Variants in RCC1L observed in about 807,000 individuals in gnomAD.
RCC1L encodes RCC1-like G exchanging factor-like protein.
RCC1L carries 46 observed loss-of-function variants against 58.6 expected under a neutral mutation model. That is an observed-to-expected ratio of 0.79 (90% CI 0.62 to 1.00). RCC1L has a LOEUF of 1.00. Among genes scored for constraint, RCC1L ranks in the 50% least tolerant of loss-of-function variants. The pLI is 0.00. For missense variants in RCC1L, 636 were observed against 623.6 expected, an observed-to-expected ratio of 1.02 and a Z score of -0.21; for synonymous variants, 281 against 262.9, an observed-to-expected ratio of 1.07 and a Z score of -0.67.
intron 2 of RCC1L, 112 bp downstream of exon 2, chr7:75,070,528 G>A (rs1168627598): frequency 2.2e-5 from 31 of 1,410,478 alleles, no homozygotes; most frequent in Admixed American, 1.2e-4. Context: ...CCAGGATCTC[G>A]CCACTGCACT....
intron 10 of RCC1L, among the ~76,000 whole-genome samples, chr7:75,048,836 G>A (rs1264053431): frequency 1.3e-5 from 2 of 152,230 alleles, no homozygotes; most frequent in Non-Finnish European, 2.9e-5. Context: ...CCAGGGAGGT[G>A]GGTGGCCGTG....
intron 4 of RCC1L, among the ~76,000 whole-genome samples, chr7:75,064,030 G>A (rs1244114325): frequency 6.6e-6 from 1 of 152,102 alleles, no homozygotes; most frequent in African/African-American, 2.4e-5. Context: ...AACTTAATTT[G>A]TAAAAATTCA....
chr7:75,042,374 C>T lies in RCC1L; in HGVS notation c.*658G>A, dbSNP rs1465488859. 7.1e-6 allele frequency: 7 copies of T among 985,670 alleles called. No individual in the cohort carries two copies. The highest frequency in any genetic ancestry group is 6.1e-5 in the Admixed American group (1 of 16,314). 61.1% of individuals were successfully genotyped at this position (985,670 alleles called of 1,614,324 possible). ...CCCTCGGCGCAGAGGAACTTGGCCT[C>T]GATTCTCTTCCTGAGGGGCTTCTTA... On this transcript the variant is annotated 3_prime_UTR_variant, in exon 11 of 11. Transcript: ENST00000610322.
intron 2 of RCC1L, 34 bp downstream of exon 2, chr7:75,070,606 C>T: frequency 6.2e-7 from 1 of 1,609,144 alleles, no homozygotes; most frequent in Non-Finnish European, 8.5e-7. Flanking sequence ...TCAGACCAAT[C>T]CCGGCAAAGA....
At chr7:75,048,414 G>A (rs1197296106) in intron 10 of RCC1L, among the ~76,000 whole-genome samples, 10 of 152,216 alleles carry the variant, frequency 6.6e-5, no homozygotes, top group Admixed American at 5.2e-4. Flanking sequence ...GGGAGGGGAA[G>A]CACCGTCTAC....
At chr7:75,033,692 C>CA (rs879241870) in intron 10 of RCC1L, among the ~76,000 whole-genome samples, 3,060 of 134,318 alleles carry the variant, frequency 0.023, 92 homozygotes, top group African/African-American at 0.066. Flanking sequence ...GAGTCTCTAT[C>CA]AAAAAAAAAA....
exon 11 of RCC1L, chr7:75,027,924 C>G (rs899948141): frequency 8.0e-6 from 10 of 1,246,158 alleles, no homozygotes; most frequent in Non-Finnish European, 1.1e-5. Context: ...GTGGGAGGGT[C>G]TCTCCAGGCC....
intron 3 of RCC1L, among the ~76,000 whole-genome samples, chr7:75,065,433 T>C (rs1806436258): frequency 6.6e-6 from 1 of 152,072 alleles, no homozygotes. Context: ...TGGGTGCCTG[T>C]AGTCCCAGCT....
rs782280590 is a variant in RCC1L, at chr7:75,070,743, T to A, written c.351A>T (p.Gly117=). The A allele has an allele frequency of 7.7e-5, 125 of 1,614,094 alleles. No individual in the cohort carries two copies. The highest frequency in any genetic ancestry group is 1.1e-4 in the Non-Finnish European group (124 of 1,179,994). ...CAGTCTTAGAGGACAGCAGTGTGAA[T>A]CCATAGCCGCAAGCAGCAGATGAAA... is the stretch of plus-strand genomic sequence containing the variant. The part of the protein sequence containing the change: ...QKISSAACGY[G]FTLLSSKTAD... Residue 117 remains glycine, a synonymous_variant, in exon 2 of 11, where the codon GGA becomes GGT. Coordinates refer to ENST00000610322, the MANE Select transcript of RCC1L (RefSeq NM_030798.5).
At chr7:75,071,415 C>A (rs1806722956) in intron 1 of RCC1L, among the ~76,000 whole-genome samples, 1 of 152,100 alleles carries the variant, frequency 6.6e-6, no homozygotes, top group South Asian at 2.1e-4. Context: ...GAGGCTGAGG[C>A]AGGCAGATCA....
At chr7:75,053,768 G>A (rs1457767843) in intron 9 of RCC1L, among the ~76,000 whole-genome samples, 3 of 152,136 alleles carry the variant, frequency 2.0e-5, no homozygotes, top group Non-Finnish European at 4.4e-5. Context: ...GGGAGGCAGA[G>A]GAAGTGACAT....
Position 75,061,191 on chromosome 7 carries a change from A to G in RCC1L, c.787+16T>C. The G allele has an allele frequency of 2.5e-6, 4 of 1,609,442 alleles. No individual in the cohort carries two copies. The highest frequency in any genetic ancestry group is 3.4e-6 in the Non-Finnish European group (4 of 1,175,812). ...CTGAGAAGTTTCACGACCCCAGTGCATGAAAAGAACTCTACCTGTTTGCCC... is the reference window on the plus strand; with the variant it reads ...CTGAGAAGTTTCACGACCCCAGTGCGTGAAAAGAACTCTACCTGTTTGCCC... On this transcript the variant is annotated intron_variant, in intron 6 of 10. Transcript: ENST00000610322.
intron 6 of RCC1L, among the ~76,000 whole-genome samples, chr7:75,059,680 A>G (rs1264785887): frequency 3.3e-5 from 5 of 151,834 alleles, no homozygotes; most frequent in African/African-American, 1.2e-4. Context: ...CAAAGTGCTT[A>G]GATTACAGGT....
At chr7:75,055,574 C>T in intron 9 of RCC1L, 2 of 385,534 alleles carry the variant, frequency 5.2e-6, no homozygotes, top group East Asian at 1.2e-4. Flanking sequence ...ATGGATCCGC[C>T]AAGCCTCTGC....
chr7:75,064,390 C>A (rs990253001), intron 4 of RCC1L, among the ~76,000 whole-genome samples, 192 bp downstream of exon 4: 1 of 152,120 alleles, frequency 6.6e-6, no homozygotes, highest in South Asian at 2.1e-4. Context: ...CTCATGCCCC[C>A]TCTTCTCCCA....
intron 9 of RCC1L, 152 bp from the exon 10 acceptor site, chr7:75,052,948 C>A: frequency 1.3e-6 from 1 of 771,004 alleles, no homozygotes; most frequent in Non-Finnish European, 2.2e-6. Flanking sequence ...TCTTTGAAGG[C>A]AAAAGTAAGG....
Position 75,073,479 on chromosome 7 carries a change from G to T in RCC1L, c.259C>A (p.Arg87Ser). The T allele has an allele frequency of 7.2e-7, 1 of 1,382,866 alleles. No homozygotes were observed. Among genetic ancestry groups the T allele is most frequent in the Non-Finnish European group, 9.3e-7 (1 of 1,073,504 alleles). The allele number at this position is 1,382,866 out of a possible 1,614,324, so 85.7% of individuals were successfully genotyped here. ...CTGCGGCGCGGTCGGGCGCCGGCGC[G>T]GGGCCCGGGCCCGGAGCTGGGCACC... Reference protein sequence around the residue: ...FVVPSSGPGPRAGARPRRRIQ... With the variant: ...FVVPSSGPGPSAGARPRRRIQ... Residue 87 changes from arginine (R) to serine (S), a missense_variant, in exon 1 of 11, where the codon CGC becomes AGC. Arg to Ser is a moderately radical substitution (Grantham distance 110). Transcript: ENST00000610322.
rs1456120829 is a variant in RCC1L at position 75,071,754 on chromosome 7, T to C, written c.325-985A>G. The stretch of plus-strand genomic sequence containing the variant: ...GGCCCCATCCTTACCAACTGTGTGA[T>C]CTGAGATAGATTACTTTACCTCTAT... On this transcript the variant is annotated intron_variant, in intron 1 of 10. Coordinates refer to ENST00000610322, the MANE Select transcript of RCC1L (RefSeq NM_030798.5). 4.6e-5 allele frequency among the ~76,000 whole-genome samples: 7 copies of C among 152,302 alleles called. No individual in the cohort carries two copies. The South Asian group carries it at 1.5e-3, about 32-fold the overall frequency.
In RCC1L at chr7:75,052,740, G is replaced by A. The variant is rs969502330; in HGVS notation, c.1288C>T (p.Arg430Cys). The A allele has an allele frequency of 3.8e-5, 62 of 1,612,968 alleles. No individual in the cohort carries two copies. The highest frequency in any genetic ancestry group is 2.2e-4 in the East Asian group (10 of 44,842). ...KNIRGCLGIGRLEDQYFPWRV... is the reference protein window; with the variant it reads ...KNIRGCLGIGCLEDQYFPWRV... The stretch of plus-strand genomic sequence containing the variant: ...CATGGGAAATACTGGTCCTCCAGGC[G>A]ACCGATTCCCAGGCACCCTCGGATG... The change falls in exon 10 of 11, where the codon CGC (arginine) becomes TGC (cysteine). Residue 430 changes from arginine (R) to cysteine (C), a missense_variant. By Grantham distance (180) the Arg-to-Cys change is radical (BLOSUM62 -3). Coordinates refer to ENST00000610322, the MANE Select transcript of RCC1L (RefSeq NM_030798.5).
Sources: gnomAD v4.1 joint callset for allele counts (sites outside exome capture counted in the v4.1 genomes callset) on GRCh38, gnomAD v4.1.1 for gene constraint, MANE v1.5 for transcripts, NCBI Gene and HGNC (gene_info 2026-07-23, HGNC 2026-07-21) for gene names.